IMMP2L: variants seen among roughly 807,000 people sequenced by gnomAD.
The protein encoded by IMMP2L is inner mitochondrial membrane peptidase subunit 2, also known as mitochondrial inner membrane protease subunit 2.
In IMMP2L, 18 loss-of-function variants were observed where a neutral mutation model predicts 19.3. The observed-to-expected ratio is 0.93, with a 90% CI of 0.64 to 1.38. The LOEUF (loss-of-function observed/expected upper bound fraction) is 1.38. Ranked by LOEUF, IMMP2L falls within the 40% of genes most tolerant of loss-of-function variation. IMMP2L has a pLI of 0.00. For missense variants in IMMP2L, 233 were observed against 218.2 expected (o/e 1.07, Z -0.43); for synonymous variants, 76 against 73.0 (o/e 1.04, Z -0.21).
intron 3 of IMMP2L, among the ~76,000 whole-genome samples, chr7:111,451,697 A>C (rs2131917424): frequency 6.7e-6 from 1 of 150,304 alleles, no homozygotes; most frequent in African/African-American, 2.5e-5. Context: ...ATGTACCCTA[A>C]AACTTAAAGT....
intron 4 of IMMP2L, among the ~76,000 whole-genome samples, chr7:110,903,594 T>C (rs1812136018): frequency 6.6e-6 from 1 of 152,224 alleles, no homozygotes; most frequent in Admixed American, 6.5e-5. Context: ...CAGGATTTCC[T>C]TCTTTTTAAG....
intron 3 of IMMP2L, among the ~76,000 whole-genome samples, chr7:111,220,597 G>A (rs1586893411): frequency 1.3e-5 from 2 of 151,842 alleles, no homozygotes; most frequent in Admixed American, 1.3e-4. Context: ...TGGATGGATG[G>A]ATGGATGGAT....
intron 3 of IMMP2L, among the ~76,000 whole-genome samples, chr7:111,346,991 C>G (rs1191734912): frequency 6.6e-6 from 1 of 151,992 alleles, no homozygotes; most frequent in Non-Finnish European, 1.5e-5. Flanking sequence ...TAAAAAGTCT[C>G]TGTCTCATAA....
At chr7:111,225,914 G>A (rs1303373873) in intron 3 of IMMP2L, among the ~76,000 whole-genome samples, 2 of 152,046 alleles carry the variant, frequency 1.3e-5, no homozygotes, top group Non-Finnish European at 2.9e-5. Flanking sequence ...CCCCTAACTG[G>A]GGATAAGCAT....
At chr7:111,306,399 TGGGAACAGGAGTAG>T (rs1389484562) in intron 3 of IMMP2L, among the ~76,000 whole-genome samples, 1 of 152,160 alleles carries the variant, frequency 6.6e-6, no homozygotes. Flanking sequence ...TATGAATGTA[TGGGAACAGGAGTAG>T]GTACATAGAA....
chr7:111,077,404 T>C lies in IMMP2L; in HGVS notation c.240-113839A>G, dbSNP rs561942452. On this transcript the variant is annotated intron_variant, in intron 3 of 5. Transcript: ENST00000405709. Reference sequence around the variant, plus strand: ...TCTCTCGGAATCCCGCCTCTCACTTTATAGCACCATTATCCACATAGCAGC... The same window carrying C: ...TCTCTCGGAATCCCGCCTCTCACTTCATAGCACCATTATCCACATAGCAGC... 1.3e-4 allele frequency among the ~76,000 whole-genome samples: 20 copies of C among 152,358 alleles called. 1 individual carries two copies. Among genetic ancestry groups the C allele is most frequent in the African/African-American group, 4.8e-4 (20 of 41,590 alleles).
chr7:110,732,792 CTT>C (rs1251223681), intron 5 of IMMP2L, among the ~76,000 whole-genome samples: 47 of 140,746 alleles, frequency 3.3e-4, no homozygotes, highest in Admixed American at 3.6e-4. Context: ...CAATGAATTT[CTT>C]TTTTTTTTTT....
At chr7:111,100,480 T>C (rs939948378) in intron 3 of IMMP2L, among the ~76,000 whole-genome samples, 3 of 148,628 alleles carry the variant, frequency 2.0e-5, no homozygotes, top group African/African-American at 7.3e-5. Context: ...AGATTTAAAA[T>C]AAATACAATA....
chr7:111,212,183 T>G (rs1811397648), intron 3 of IMMP2L, among the ~76,000 whole-genome samples: 1 of 152,118 alleles, frequency 6.6e-6, no homozygotes, highest in Non-Finnish European at 1.5e-5. Context: ...TCTCTCTCTC[T>G]CTCTCTTTCT....
chr7:111,447,799 C>T (rs549434649), intron 3 of IMMP2L, among the ~76,000 whole-genome samples: 5 of 151,524 alleles, frequency 3.3e-5, no homozygotes, highest in African/African-American at 7.3e-5. Flanking sequence ...CAGTGTGCTG[C>T]ATTCAGGAAA....
intron 3 of IMMP2L, among the ~76,000 whole-genome samples, chr7:111,069,317 A>G (rs1460063300): frequency 6.6e-6 from 1 of 152,160 alleles, no homozygotes; most frequent in Non-Finnish European, 1.5e-5. Flanking sequence ...TTTATCTGAC[A>G]TATCTGGGCT....
At position 110,793,718 on chromosome 7, in the gene IMMP2L, G is replaced by C. The variant is rs187728870; in HGVS notation, c.408+92875C>G. Among the ~76,000 whole-genome samples the C allele has an allele frequency of 3.2e-3, 491 of 152,188 alleles. 3 individuals carry two copies. Among genetic ancestry groups the C allele is most frequent in the Non-Finnish European group, 3.8e-3 (259 of 67,998 alleles). ...GCTGTATACTGGAAATTTGCTGAGA[G>C]AGTAGATTTTAGGTGTTCTCACCAC... On this transcript the variant is annotated intron_variant, in intron 5 of 5. Transcript: ENST00000405709.
intron 5 of IMMP2L, among the ~76,000 whole-genome samples, chr7:110,761,977 C>T (rs1157562222): frequency 6.6e-6 from 1 of 152,124 alleles, no homozygotes; most frequent in Non-Finnish European, 1.5e-5. Context: ...CTGCCCCTGT[C>T]CCACTCCTAG....
intron 1 of IMMP2L, among the ~76,000 whole-genome samples, chr7:111,521,890 A>G (rs1846366941): frequency 6.6e-6 from 1 of 152,034 alleles, no homozygotes; most frequent in Non-Finnish European, 1.5e-5. Context: ...TGACCATGTC[A>G]CTGGATTTGA....
chr7:111,013,505 G>T (rs527519726), intron 3 of IMMP2L, among the ~76,000 whole-genome samples: 1 of 152,048 alleles, frequency 6.6e-6, no homozygotes, highest in Admixed American at 6.6e-5. Flanking sequence ...ACGGAAGGAG[G>T]GTGTGCAAGT....
chr7:111,115,599 T>G, intron 3 of IMMP2L, among the ~76,000 whole-genome samples: 1 of 152,096 alleles, frequency 6.6e-6, no homozygotes, highest in East Asian at 1.9e-4. Flanking sequence ...TATAACTAGA[T>G]TCCACAAATT....
At chr7:110,893,069 T>A (rs1810971571) in intron 4 of IMMP2L, among the ~76,000 whole-genome samples, 1 of 152,172 alleles carries the variant, frequency 6.6e-6, no homozygotes, top group South Asian at 2.1e-4. Flanking sequence ...AATAAAGCAA[T>A]ATTGCAACAA....
rs115634284 is a variant in IMMP2L, at chr7:110,970,606, G to A, written c.240-7041C>T. 1.8e-3 allele frequency among the ~76,000 whole-genome samples: 279 copies of A among 152,170 alleles called. 1 individual carries two copies. Among genetic ancestry groups the A allele is most frequent in the African/African-American group, 6.5e-3 (268 of 41,534 alleles). Reference sequence around the variant, plus strand: ...GAACATATCTGTGGAAATGAAGGACGTGAATGCTAACATAAATTTACATAC... The same window carrying A: ...GAACATATCTGTGGAAATGAAGGACATGAATGCTAACATAAATTTACATAC... On this transcript the variant is annotated intron_variant, in intron 3 of 5. Transcript: ENST00000405709.
At chr7:111,296,806 G>C (rs2129854620) in intron 3 of IMMP2L, among the ~76,000 whole-genome samples, 1 of 151,938 alleles carries the variant, frequency 6.6e-6, no homozygotes, top group East Asian at 1.9e-4. Context: ...CTGGCTGAAT[G>C]GTTAAATAAA....
Sources: allele counts gnomAD v4.1 joint callset (sites outside exome capture counted in the v4.1 genomes callset), GRCh38; gene constraint gnomAD v4.1.1; transcripts MANE v1.5; gene names NCBI Gene and HGNC (gene_info 2026-07-23, HGNC 2026-07-21).